Variants in EFNA5 observed in about 807,000 individuals in gnomAD.
The protein encoded by EFNA5 is ephrin A5.
EFNA5 carries 5 observed loss-of-function variants against 22.9 expected under a neutral mutation model. That is an observed-to-expected ratio of 0.22 (90% confidence interval 0.11 to 0.46). EFNA5 has a LOEUF of 0.46. Ranked by LOEUF, EFNA5 falls within the 20% of genes least tolerant of loss-of-function variation. EFNA5 has a pLI of 0.99. For synonymous variants in EFNA5, 113 were observed against 112.2 expected, an observed-to-expected ratio of 1.01 and a Z score of -0.04; for missense variants, 237 against 293.3, an observed-to-expected ratio of 0.81 and a Z score of 1.40.
At chr5:107,655,251 G>T (rs2112555905) in intron 1 of EFNA5, among the ~76,000 whole-genome samples, 1 of 152,108 alleles carries the variant, frequency 6.6e-6, no homozygotes. Context: ...AAATTACCAA[G>T]CTTCAAACTT....
chr5:107,392,187 C>G (rs1014696723), intron 2 of EFNA5, among the ~76,000 whole-genome samples: 1 of 152,144 alleles, frequency 6.6e-6, no homozygotes, highest in Non-Finnish European at 1.5e-5. Context: ...GACATGGGTC[C>G]CAGGTATCCC....
chr5:107,555,779 C>T (rs1003498314), intron 1 of EFNA5, among the ~76,000 whole-genome samples: 20 of 152,290 alleles, frequency 1.3e-4, no homozygotes, highest in African/African-American at 4.6e-4. Flanking sequence ...CAACTTGCTG[C>T]AAATCTCCAT....
intron 1 of EFNA5, among the ~76,000 whole-genome samples, chr5:107,531,893 T>C (rs1478458902): frequency 6.6e-6 from 1 of 152,162 alleles, no homozygotes; most frequent in Non-Finnish European, 1.5e-5. Flanking sequence ...ATGCTGACAG[T>C]TGTGAATTAC....
intron 1 of EFNA5, among the ~76,000 whole-genome samples, chr5:107,642,677 G>T (rs73781148): frequency 0.011 from 1,610 of 152,230 alleles, 32 homozygotes; most frequent in African/African-American, 0.035. Flanking sequence ...AACCAAGATG[G>T]TAGAAGATGG....
At chr5:107,389,500 A>C (rs184832704) in intron 2 of EFNA5, among the ~76,000 whole-genome samples, 11 of 152,218 alleles carry the variant, frequency 7.2e-5, no homozygotes, top group Non-Finnish European at 1.5e-4. Flanking sequence ...AGATGAACTC[A>C]CTTCAAGCCT....
chr5:107,389,277 T>C (rs565864136), intron 2 of EFNA5, among the ~76,000 whole-genome samples: 7 of 152,220 alleles, frequency 4.6e-5, no homozygotes, highest in Non-Finnish European at 1.0e-4. Context: ...TAGGGCACAA[T>C]ATTTGCACTC....
chr5:107,513,266 G>A (rs2112436264), intron 1 of EFNA5, among the ~76,000 whole-genome samples: 1 of 152,262 alleles, frequency 6.6e-6, no homozygotes, highest in African/African-American at 2.4e-5. Flanking sequence ...GAGAGGGAGA[G>A]AGAGAGAGAG....
chr5:107,503,787 T>G (rs1161078909), intron 1 of EFNA5, among the ~76,000 whole-genome samples: 1 of 152,210 alleles, frequency 6.6e-6, no homozygotes, highest in Non-Finnish European at 1.5e-5. Context: ...ATTACTAAAT[T>G]GTTTACCCAT....
At chr5:107,411,956 C>T (rs918184448) in intron 2 of EFNA5, among the ~76,000 whole-genome samples, 3 of 152,092 alleles carry the variant, frequency 2.0e-5, no homozygotes, top group African/African-American at 7.2e-5. Flanking sequence ...CTGTGGTGTA[C>T]TTTGCAAATG....
At chr5:107,530,868 G>T (rs151192734) in intron 1 of EFNA5, among the ~76,000 whole-genome samples, 8 of 152,308 alleles carry the variant, frequency 5.3e-5, no homozygotes, top group African/African-American at 1.9e-4. Flanking sequence ...ATAAAAGGCA[G>T]CTGGTACTGA....
At chr5:107,552,348 T>C (rs1748317492) in intron 1 of EFNA5, among the ~76,000 whole-genome samples, 1 of 152,208 alleles carries the variant, frequency 6.6e-6, no homozygotes, top group Non-Finnish European at 1.5e-5. Context: ...GATTATATGC[T>C]TGGCATCATG....
At position 107,502,940 on chromosome 5, in the gene EFNA5, C is replaced by G. The variant is rs544624153; in HGVS notation, c.126-75431G>C. ...AGGCACGCCAGTCAACAGATGGTCTCTGGCTAAGGTGTAATCAGGAGCAGC... is the reference window on the plus strand; with the variant it reads ...AGGCACGCCAGTCAACAGATGGTCTGTGGCTAAGGTGTAATCAGGAGCAGC... On this transcript the variant is annotated intron_variant, in intron 1 of 4. Transcript: ENST00000333274. Among the ~76,000 whole-genome samples the G allele has an allele frequency of 1.6e-3, 238 of 152,310 alleles. 1 individual carries two copies. The highest frequency in any genetic ancestry group is 3.0e-3 in the Non-Finnish European group (207 of 68,026).
At chr5:107,586,599 A>C (rs1221205690) in intron 1 of EFNA5, among the ~76,000 whole-genome samples, 1 of 152,110 alleles carries the variant, frequency 6.6e-6, no homozygotes, top group African/African-American at 2.4e-5. Flanking sequence ...ACCCAAAATA[A>C]TTATTATCTA....
chr5:107,628,521 G>GT (rs1211033123), intron 1 of EFNA5, among the ~76,000 whole-genome samples: 1 of 152,056 alleles, frequency 6.6e-6, no homozygotes. Flanking sequence ...TTGGAAGTGG[G>GT]TTTTTTTGTT....
chr5:107,600,861 C>G (rs1317212345), intron 1 of EFNA5, among the ~76,000 whole-genome samples: 1 of 152,088 alleles, frequency 6.6e-6, no homozygotes, highest in Non-Finnish European at 1.5e-5. Context: ...CTGGACCTCA[C>G]CCCGTGAAAA....
At chr5:107,501,615 C>G (rs1208897409) in intron 1 of EFNA5, among the ~76,000 whole-genome samples, 1 of 152,186 alleles carries the variant, frequency 6.6e-6, no homozygotes, top group East Asian at 1.9e-4. Flanking sequence ...CACAACCATT[C>G]ACTATTTGTT....
chr5:107,431,714 G>A (rs1231756254), intron 1 of EFNA5, among the ~76,000 whole-genome samples: 4 of 152,100 alleles, frequency 2.6e-5, no homozygotes, highest in Admixed American at 2.6e-4. Flanking sequence ...TTCCTCCAGA[G>A]GGACCCATTT....
At chr5:107,513,403 C>T (rs1747414412) in intron 1 of EFNA5, among the ~76,000 whole-genome samples, 1 of 152,176 alleles carries the variant, frequency 6.6e-6, no homozygotes, top group South Asian at 2.1e-4. Flanking sequence ...TGCTACCTGC[C>T]CCATTTCAGA....
At chr5:107,546,651 A>AACACACACACAC (rs767896375) in intron 1 of EFNA5, among the ~76,000 whole-genome samples, 10 of 121,304 alleles carry the variant, frequency 8.2e-5, no homozygotes, top group African/African-American at 2.9e-4. Context: ...TGGTGCGTAA[A>AACACACACACAC]ACACACACAC....
Sources: allele counts gnomAD v4.1 joint callset (sites outside exome capture counted in the v4.1 genomes callset), GRCh38; gene constraint gnomAD v4.1.1; transcripts MANE v1.5; gene names NCBI Gene and HGNC (gene_info 2026-07-23, HGNC 2026-07-21).